Variants in KCNMB2 observed in about 807,000 individuals in gnomAD.
KCNMB2 encodes the protein calcium-activated potassium channel subunit beta-2.
KCNMB2 carries 9 observed loss-of-function variants against 24.5 expected under a neutral mutation model. That is an observed-to-expected ratio of 0.37 (90% CI 0.22 to 0.64). The LOEUF (loss-of-function observed/expected upper bound fraction) is 0.64. Among genes scored for constraint, KCNMB2 ranks in the 30% least tolerant of loss-of-function variants. The pLI, the probability that KCNMB2 is intolerant of heterozygous loss-of-function variation, is 0.63. For synonymous variants in KCNMB2, 109 were observed against 104.4 expected (o/e 1.04, Z -0.27); for missense variants, 226 against 284.3 (o/e 0.79, Z 1.47).
At chr3:178,684,456 G>C (rs1050302522) in intron 1 of KCNMB2, among the ~76,000 whole-genome samples, 3 of 152,022 alleles carry the variant, frequency 2.0e-5, no homozygotes, top group African/African-American at 7.2e-5. Context: ...TATAGGTATG[G>C]GATTTGTGCC....
chr3:178,623,863 C>G (rs1240577983), intron 1 of KCNMB2, among the ~76,000 whole-genome samples: 1 of 152,114 alleles, frequency 6.6e-6, no homozygotes, highest in East Asian at 1.9e-4. Flanking sequence ...CCTCAGCTAG[C>G]CTTCTACTTG....
At position 178,822,980 on chromosome 3, in the gene KCNMB2, A is replaced by G. The variant is rs115869089; in HGVS notation, c.57-2608A>G. On this transcript the variant is annotated intron_variant, in intron 2 of 4. Transcript: ENST00000452583. ...TCTCTATGGCAGCCATCAGAGTTAA[A>G]TACATGTTGATAAATAATATAAGTG... Among the ~76,000 whole-genome samples the G allele has an allele frequency of 4.8e-3, 737 of 152,332 alleles. 3 individuals carry two copies. Among genetic ancestry groups the G allele is most frequent in the Non-Finnish European group, 7.8e-3 (532 of 68,034 alleles).
chr3:178,714,696 G>C (rs773129040), intron 1 of KCNMB2, among the ~76,000 whole-genome samples: 5 of 152,224 alleles, frequency 3.3e-5, no homozygotes, highest in Non-Finnish European at 7.3e-5. Context: ...TTCACAGGTA[G>C]GTGGGCAGTT....
chr3:178,828,562 G>A (rs1343219556), intron 4 of KCNMB2, among the ~76,000 whole-genome samples, 189 bp downstream of exon 4: 1 of 152,134 alleles, frequency 6.6e-6, no homozygotes, highest in Non-Finnish European at 1.5e-5. Flanking sequence ...GCAAGTTGTG[G>A]ACAAATCATT....
chr3:178,665,694 T>G (rs541406137), intron 1 of KCNMB2, among the ~76,000 whole-genome samples: 1 of 152,328 alleles, frequency 6.6e-6, no homozygotes, highest in East Asian at 1.9e-4. Flanking sequence ...TATCAGGAAC[T>G]GCTCTGATGG....
intron 1 of KCNMB2, among the ~76,000 whole-genome samples, chr3:178,800,797 T>G (rs548560435): frequency 2.6e-5 from 4 of 151,524 alleles, no homozygotes; most frequent in Non-Finnish European, 5.9e-5. Context: ...AACAGATGAA[T>G]AGATAAAGAA....
intron 1 of KCNMB2, among the ~76,000 whole-genome samples, chr3:178,733,520 G>A (rs113856160): frequency 0.035 from 5,311 of 151,994 alleles, 321 homozygotes; most frequent in African/African-American, 0.12. Context: ...TCGCTCCGTC[G>A]CCCAGGCTGG....
At chr3:178,592,762 T>G (rs1274398545) in intron 1 of KCNMB2, among the ~76,000 whole-genome samples, 1 of 152,132 alleles carries the variant, frequency 6.6e-6, no homozygotes. Flanking sequence ...ATAGACCATC[T>G]ACGTTAGCAT....
intron 1 of KCNMB2, among the ~76,000 whole-genome samples, chr3:178,739,187 C>A (rs1391607688): frequency 6.6e-6 from 1 of 152,000 alleles, no homozygotes; most frequent in East Asian, 1.9e-4. Flanking sequence ...ACTTCCATAA[C>A]CCACAGGCTG....
At chr3:178,607,933 A>T (rs1718338976) in intron 1 of KCNMB2, among the ~76,000 whole-genome samples, 1 of 152,158 alleles carries the variant, frequency 6.6e-6, no homozygotes, top group African/African-American at 2.4e-5. Flanking sequence ...AGTAGTTCTA[A>T]GATTCTTCCT....
intron 1 of KCNMB2, among the ~76,000 whole-genome samples, chr3:178,613,992 A>G (rs533906230): frequency 6.6e-6 from 1 of 150,546 alleles, no homozygotes; most frequent in African/African-American, 2.5e-5. Context: ...CTTCATTTCT[A>G]TGTTTTTCTT....
chr3:178,783,998 A>T (rs545311392), intron 1 of KCNMB2, among the ~76,000 whole-genome samples: 3 of 152,186 alleles, frequency 2.0e-5, no homozygotes, highest in Non-Finnish European at 4.4e-5. Flanking sequence ...ATTTTTTAGC[A>T]TGAAGGGTTG....
At position 178,577,070 on chromosome 3, in the gene KCNMB2, A is replaced by G. The variant is rs538666629; in HGVS notation, c.-68+40359A>G. Among the ~76,000 whole-genome samples, 3 of 152,238 alleles carry G rather than the reference A, an allele frequency of 2.0e-5. No homozygotes were observed. In the South Asian group the frequency reaches 6.2e-4, roughly 32 times the overall value. ...CTGGGAGACACCTCCCAGCAGGTTG[A>G]CACCTCCCACAAATGAGGTGTCAAC... On this transcript the variant is annotated intron_variant, in intron 1 of 4. Coordinates refer to ENST00000452583, the MANE Select transcript of KCNMB2 (RefSeq NM_181361.3).
At chr3:178,654,417 A>G (rs1389386983) in intron 1 of KCNMB2, among the ~76,000 whole-genome samples, 1 of 152,198 alleles carries the variant, frequency 6.6e-6, no homozygotes, top group Non-Finnish European at 1.5e-5. Context: ...TACATTTATC[A>G]CAAAACAAAG....
intron 1 of KCNMB2, among the ~76,000 whole-genome samples, chr3:178,538,996 A>G (rs769120998): frequency 2.0e-5 from 3 of 152,238 alleles, no homozygotes; most frequent in Non-Finnish European, 4.4e-5. Context: ...CCCCCTTGAT[A>G]TAAAAAATAA....
intron 1 of KCNMB2, among the ~76,000 whole-genome samples, chr3:178,562,258 T>C (rs2108465660): frequency 6.6e-6 from 1 of 152,362 alleles, no homozygotes; most frequent in African/African-American, 2.4e-5. Flanking sequence ...AATCACTCAC[T>C]GACTTCTATG....
intron 1 of KCNMB2, among the ~76,000 whole-genome samples, chr3:178,705,035 A>G (rs975676343): frequency 1.3e-5 from 2 of 151,962 alleles, no homozygotes; most frequent in African/African-American, 4.8e-5. Flanking sequence ...CTCTCCTGTA[A>G]GCTCCTTTCT....
intron 1 of KCNMB2, among the ~76,000 whole-genome samples, chr3:178,653,037 C>T (rs1720189813): frequency 6.6e-6 from 1 of 152,010 alleles, no homozygotes; most frequent in African/African-American, 2.4e-5. Context: ...AAATTTATAT[C>T]CATAAATTAA....
chr3:178,569,853 T>C lies in KCNMB2; in HGVS notation c.-68+33142T>C, dbSNP rs143137952. ...ACTGCTTCCAGCAATAGCTTCTGCA[T>C]CTATGCCTCCTTCAACTTATATCTG... On this transcript the variant is annotated intron_variant, in intron 1 of 4. Coordinates refer to ENST00000452583, the MANE Select transcript of KCNMB2 (RefSeq NM_181361.3). Among the ~76,000 whole-genome samples, 12 of 152,348 alleles carry C rather than the reference T, an allele frequency of 7.9e-5. No individual in the cohort carries two copies. In the East Asian group the frequency reaches 2.3e-3, roughly 29 times the overall value.
Sources: allele counts gnomAD v4.1 joint callset (sites outside exome capture counted in the v4.1 genomes callset), GRCh38; gene constraint gnomAD v4.1.1; transcripts MANE v1.5; gene names NCBI Gene and HGNC (gene_info 2026-07-23, HGNC 2026-07-21).